KATNAL2: variants seen among roughly 807,000 people sequenced by gnomAD.
The protein encoded by KATNAL2 is katanin p60 ATPase-containing subunit A-like 2.
A neutral mutation model predicts 76.3 loss-of-function variants in KATNAL2; 52 were observed. The observed-to-expected ratio is 0.68, with a 90% CI of 0.55 to 0.86. The LOEUF (loss-of-function observed/expected upper bound fraction) is 0.86, where lower values mean the gene tolerates loss of function less well. KATNAL2 is among the 40% of genes least tolerant of loss of function. The pLI is 0.00. For synonymous variants in KATNAL2, 243 were observed against 244.2 expected, an observed-to-expected ratio of 1.00 and a Z score of 0.05; for missense variants, 660 against 668.9, an observed-to-expected ratio of 0.99 and a Z score of 0.15.
intron 1 of KATNAL2, among the ~76,000 whole-genome samples, chr18:46,940,749 A>C (rs1313769021): frequency 6.6e-6 from 1 of 152,218 alleles, no homozygotes; most frequent in Non-Finnish European, 1.5e-5. Context: ...AATAAAACAA[A>C]AAGCTTATGA....
At chr18:46,949,381 T>G (rs1021609847) in intron 3 of KATNAL2, among the ~76,000 whole-genome samples, 1 of 152,066 alleles carries the variant, frequency 6.6e-6, no homozygotes, top group African/African-American at 2.4e-5. Flanking sequence ...ACCTCCCAAG[T>G]AGCTGGAACC....
At position 47,075,305 on chromosome 18, in the gene KATNAL2, C is replaced by A; in HGVS notation, c.1037C>A (p.Ala346Asp). 2 of 1,562,442 alleles carry A rather than the reference C, an allele frequency of 1.3e-6. No homozygotes were observed. Among genetic ancestry groups the A allele is most frequent in the Non-Finnish European group, 8.6e-7 (1 of 1,159,348 alleles). Residue 346 changes from alanine (A) to aspartate (D), a missense_variant, in exon 14 of 18, where the codon GCC becomes GAC. Coordinates refer to ENST00000683218, the MANE Select transcript of KATNAL2 (RefSeq NM_001387690.1). The part of the protein sequence containing the change: ...RVLFELARYH[A>D]PSTIFLDELE... ...TTATTTGAGCTTGCCCGCTACCACG[C>A]CCCATCCACGATCTTCCTGGACGAG...
At chr18:47,089,255 A>G (rs72905406) in intron 15 of KATNAL2, among the ~76,000 whole-genome samples, 4,092 of 152,226 alleles carry the variant, frequency 0.027, 60 homozygotes, top group Non-Finnish European at 0.041. Flanking sequence ...TGAGGGCTCA[A>G]TTGTGCATTC....
chr18:47,062,847 G>T, intron 8 of KATNAL2, 125 bp from the exon 9 acceptor site: 1 of 610,488 alleles, frequency 1.6e-6, no homozygotes. Context: ...TCTTTTTAAA[G>T]CTTAACTTGA....
Position 46,959,458 on chromosome 18 carries a change from C to CT in KATNAL2, c.51+12543dup, listed in dbSNP as rs1250262133. 4.0e-3 allele frequency among the ~76,000 whole-genome samples: 610 copies of CT among 151,860 alleles called. 7 individuals are homozygous for CT. The highest frequency in any genetic ancestry group is 0.013 in the African/African-American group (529 of 41,428). ...AATGCCACATTAGTACTCTTGGAACCTTTTTTTTAAAAAAAACTAACTGAG... is the reference window on the plus strand; with the variant it reads ...AATGCCACATTAGTACTCTTGGAACCTTTTTTTTTAAAAAAAACTAACTGAG... On this transcript the variant is annotated intron_variant, in intron 3 of 17. Coordinates refer to ENST00000683218, the MANE Select transcript of KATNAL2 (RefSeq NM_001387690.1).
chr18:46,920,211 G>A (rs1568966551), intron 1 of KATNAL2: 3 of 504,772 alleles, frequency 5.9e-6, no homozygotes, highest in Admixed American at 2.4e-5. Flanking sequence ...ATGTCATTCT[G>A]GCCACAGTAT....
chr18:46,927,151 T>C (rs111957607), intron 1 of KATNAL2, among the ~76,000 whole-genome samples: 11,611 of 152,178 alleles, frequency 0.076, 472 homozygotes, highest in African/African-American at 0.098. Context: ...TTATTTTGCT[T>C]GTTAGTTGGT....
rs527710606 is a variant in KATNAL2 at position 46,949,516 on chromosome 18, G to A, written c.51+2593G>A. Among the ~76,000 whole-genome samples the A allele has an allele frequency of 3.3e-5, 5 of 152,312 alleles. No individual in the cohort carries two copies. The South Asian group carries it at 6.2e-4, about 19-fold the overall frequency. On this transcript the variant is annotated intron_variant, in intron 3 of 17. Transcript: ENST00000683218. ...CCTGCCTTGGCCTCCCAAAGTCCTC[G>A]GATTACAAGCGTGAGCCTTCGTGTC...
At chr18:46,964,202 TA>T in intron 3 of KATNAL2, 7 of 233,602 alleles carry the variant, frequency 3.0e-5, no homozygotes, top group South Asian at 2.5e-4. Flanking sequence ...ACCGGGCCGC[TA>T]AGTCTCTGGC....
At chr18:47,048,526 A>G (rs1659886569) in intron 4 of KATNAL2, among the ~76,000 whole-genome samples, 1 of 152,164 alleles carries the variant, frequency 6.6e-6, no homozygotes, top group Admixed American at 6.5e-5. Flanking sequence ...CTTAGGCTCA[A>G]ACTCTGTATC....
At chr18:47,042,483 A>G (rs547243207) in intron 3 of KATNAL2, among the ~76,000 whole-genome samples, 1 of 152,226 alleles carries the variant, frequency 6.6e-6, no homozygotes, top group African/African-American at 2.4e-5. Flanking sequence ...GCCTACTTAC[A>G]TTGCAAATAT....
At chr18:46,936,042 A>G (rs2059080205) in intron 1 of KATNAL2, among the ~76,000 whole-genome samples, 2 of 152,202 alleles carry the variant, frequency 1.3e-5, no homozygotes, top group African/African-American at 2.4e-5. Flanking sequence ...AACAATTTCA[A>G]GTTTGTATGC....
intron 15 of KATNAL2, among the ~76,000 whole-genome samples, chr18:47,078,338 A>G (rs1003491422): frequency 6.6e-6 from 1 of 152,256 alleles, no homozygotes; most frequent in African/African-American, 2.4e-5. Flanking sequence ...GTCATTGAAA[A>G]AAACCATAAT....
At chr18:47,062,410 CT>C (rs1452585838) in intron 8 of KATNAL2, among the ~76,000 whole-genome samples, 2 of 151,820 alleles carry the variant, frequency 1.3e-5, no homozygotes. Flanking sequence ...AGAAATAATC[CT>C]CACAGGATAT....
chr18:46,953,556 G>A (rs1415874302), intron 3 of KATNAL2, among the ~76,000 whole-genome samples: 2 of 152,156 alleles, frequency 1.3e-5, no homozygotes, highest in Non-Finnish European at 1.5e-5. Flanking sequence ...AGGAGTTTGA[G>A]ACCAGCGTGG....
chr18:47,047,632 G>T (rs1306920722), intron 4 of KATNAL2, among the ~76,000 whole-genome samples: 1 of 152,154 alleles, frequency 6.6e-6, no homozygotes, highest in East Asian at 1.9e-4. Context: ...CAAAGTGTTT[G>T]AAGGGCACTA....
chr18:47,052,819 T>A, intron 4 of KATNAL2, 61 bp from the exon 5 acceptor site: 1 of 1,315,648 alleles, frequency 7.6e-7, no homozygotes. Context: ...TTGTAATGCC[T>A]GTTAGCCATT....
intron 15 of KATNAL2, among the ~76,000 whole-genome samples, chr18:47,078,668 G>T (rs748968109): frequency 2.6e-5 from 4 of 152,132 alleles, no homozygotes; most frequent in Non-Finnish European, 5.9e-5. Flanking sequence ...ATGTGGGAAG[G>T]TCTGTGCCCT....
At chr18:46,946,632 C>A in intron 2 of KATNAL2, 86 bp downstream of exon 2, 1 of 888,982 alleles carries the variant, frequency 1.1e-6, no homozygotes, top group Non-Finnish European at 1.3e-6. Context: ...CTCTAACAAT[C>A]TTCCCTCTTC....
Sources: gnomAD v4.1 joint callset for allele counts (sites outside exome capture counted in the v4.1 genomes callset) on GRCh38, gnomAD v4.1.1 for gene constraint, MANE v1.5 for transcripts, NCBI Gene and HGNC (gene_info 2026-07-23, HGNC 2026-07-21) for gene names.